UGT2B7: variants seen among roughly 807,000 people sequenced by gnomAD.
UGT2B7 encodes UDP-glucuronosyltransferase 2B7.
In UGT2B7, 51 loss-of-function variants were observed where a neutral mutation model predicts 51.9. The observed-to-expected ratio is 0.98, with a 90% CI of 0.78 to 1.24. The LOEUF (loss-of-function observed/expected upper bound fraction) is 1.24. Among genes scored for constraint, UGT2B7 ranks in the 50% most tolerant of loss-of-function variants. The pLI, the probability that UGT2B7 is intolerant of heterozygous loss-of-function variation, is 0.00. For synonymous variants in UGT2B7, 225 were observed against 211.6 expected (o/e 1.06, Z -0.55); for missense variants, 727 against 628.4 (o/e 1.16, Z -1.68).
intron 3 of UGT2B7, among the ~76,000 whole-genome samples, chr4:69,106,687 T>C (rs1210095349): frequency 6.6e-6 from 1 of 152,080 alleles, no homozygotes; most frequent in Non-Finnish European, 1.5e-5. Context: ...TCTTCCACAA[T>C]GGTTGAACAA....
chr4:69,081,372 A>T (rs1390516644), intron 1 of UGT2B7, among the ~76,000 whole-genome samples: 2 of 151,946 alleles, frequency 1.3e-5, no homozygotes, highest in African/African-American at 2.4e-5. Context: ...TTTTTCCTAC[A>T]TTTACACTCT....
chr4:69,083,260 C>G (rs1161547865), intron 1 of UGT2B7, among the ~76,000 whole-genome samples: 1 of 152,096 alleles, frequency 6.6e-6, no homozygotes, highest in Non-Finnish European at 1.5e-5. Flanking sequence ...ATCTATTCTG[C>G]AGCCCACTAA....
intron 1 of UGT2B7, among the ~76,000 whole-genome samples, chr4:69,078,097 C>CT (rs924742625): frequency 1.3e-5 from 2 of 151,496 alleles, no homozygotes; most frequent in Non-Finnish European, 2.9e-5. Context: ...TCATGGATTC[C>CT]TTTTTTTGAT....
intron 1 of UGT2B7, among the ~76,000 whole-genome samples, chr4:69,078,392 C>G (rs573720164): frequency 2.6e-5 from 4 of 152,198 alleles, no homozygotes; most frequent in African/African-American, 9.6e-5. Context: ...CTCTTTGTAC[C>G]TCTGGTAGAA....
rs1291016700 is a variant in UGT2B7, at chr4:69,102,801, T to C, written c.871-6T>C. The C allele has an allele frequency of 6.2e-7, 1 of 1,611,364 alleles. No individual in the cohort carries two copies. Among genetic ancestry groups the C allele is most frequent in the South Asian group, 1.1e-5 (1 of 90,796 alleles). ...TTTTGTGATGAAGCAAATTCTTTCT[T>C]CACAGGAAATGGAAGACTTTGTACA... On this transcript the variant is annotated splice_polypyrimidine_tract_variant and splice_region_variant and intron_variant, in intron 2 of 5. Transcript: ENST00000305231.
At chr4:69,070,347 A>G (rs1423708764) in intron 1 of UGT2B7, among the ~76,000 whole-genome samples, 2 of 148,876 alleles carry the variant, frequency 1.3e-5, no homozygotes, top group Admixed American at 6.7e-5. Flanking sequence ...TCGGAAGCAC[A>G]TGTGCAAAAT....
At chr4:69,111,201 G>A (rs1160322442) in intron 5 of UGT2B7, among the ~76,000 whole-genome samples, 6 of 152,166 alleles carry the variant, frequency 3.9e-5, no homozygotes, top group African/African-American at 1.2e-4. Flanking sequence ...GTGTGCAGGG[G>A]AAAAGTGTTA....
upstream of UGT2B7, among the ~76,000 whole-genome samples, chr4:69,092,356 C>T (rs1577918893): frequency 6.6e-6 from 1 of 152,248 alleles, no homozygotes; most frequent in Middle Eastern, 3.4e-3. Flanking sequence ...GTGTTGTCTA[C>T]AGTCAGGCAC....
intron 1 of UGT2B7, among the ~76,000 whole-genome samples, chr4:69,059,350 C>G (rs1265316555): frequency 6.6e-6 from 1 of 152,196 alleles, no homozygotes; most frequent in Non-Finnish European, 1.5e-5. Context: ...AACCTGAATT[C>G]TCATCCCAAA....
rs772308124 is a variant in UGT2B7, at chr4:69,096,506, T to C, written c.-15T>C. The C allele has an allele frequency of 3.7e-6, 6 of 1,612,742 alleles. No individual in the cohort carries two copies. Among genetic ancestry groups the C allele is most frequent in the Non-Finnish European group, 5.1e-6 (6 of 1,179,538 alleles). ...AGGAACAGCAACTGGAAAACAAGCA[T>C]TGCATTGCACCAGGATGTCTGTGAA... is the stretch of plus-strand genomic sequence containing the variant. On this transcript the variant is annotated 5_prime_UTR_variant, in exon 1 of 6. Transcript: ENST00000305231.
At chr4:69,081,144 A>G (rs1409185800) in intron 1 of UGT2B7, among the ~76,000 whole-genome samples, 1 of 152,186 alleles carries the variant, frequency 6.6e-6, no homozygotes, top group Admixed American at 6.6e-5. Context: ...TCCCAAATGT[A>G]ACATTCATTT....
chr4:69,107,840 T>C (rs1719650329), intron 4 of UGT2B7, among the ~76,000 whole-genome samples: 1 of 152,140 alleles, frequency 6.6e-6, no homozygotes, highest in South Asian at 2.1e-4. Context: ...GTCTTCTTTT[T>C]TGCACATTTT....
rs761833298 is a variant in UGT2B7, at chr4:69,074,445, T to TATATATATATATATATATATATATATAA, written c.-158-15026_-158-15025insTATATATATATATATATATATATATAAA. ...TATCTTAAATATATATATATATATA[T>TATATATATATATATATATATATATATAA]AAATTAAAAATCAAAGTCTCATTCT... On this transcript the variant is annotated intron_variant, in intron 1 of 5. Transcript: ENST00000502942. 3.4e-4 allele frequency among the ~76,000 whole-genome samples: 36 copies of TATATATATATATATATATATATATATAA among 106,524 alleles called. 1 individual carries two copies. The highest frequency in any genetic ancestry group is 1.1e-3 in the African/African-American group (33 of 29,470). The allele number at this position is 106,524 out of a possible 152,430, so 69.9% of individuals were successfully genotyped here. A position where few individuals can be genotyped will look rare whatever the true frequency, so the allele number is the denominator to read the frequency against.
chr4:69,108,205 A>C lies in UGT2B7; in HGVS notation c.1193A>C (p.Asp398Ala), dbSNP rs1289275249. 1 of 1,613,814 alleles carries C rather than the reference A, an allele frequency of 6.2e-7. No homozygotes were observed. The highest frequency in any genetic ancestry group is 8.5e-7 in the Non-Finnish European group (1 of 1,179,790). Reference protein sequence around the residue: ...IPMVGIPLFADQPDNIAHMKA... With the variant: ...IPMVGIPLFAAQPDNIAHMKA... ...ATGGTGGGGATTCCATTGTTTGCCG[A>C]TCAACCTGATAACATTGCTCACATG... is the stretch of plus-strand genomic sequence containing the variant. The change falls in exon 5 of 6, where the codon GAT becomes GCT. Residue 398 changes from aspartate (D) to alanine (A), a missense_variant. Transcript: ENST00000305231.
At chr4:69,109,891 A>G (rs1182682692) in intron 5 of UGT2B7, among the ~76,000 whole-genome samples, 1 of 152,008 alleles carries the variant, frequency 6.6e-6, no homozygotes, top group African/African-American at 2.4e-5. Context: ...ACTTTATCAC[A>G]AAAAAAGAAG....
intron 1 of UGT2B7, among the ~76,000 whole-genome samples, chr4:69,086,588 A>G (rs1577916607): frequency 6.6e-6 from 1 of 151,864 alleles, no homozygotes. Flanking sequence ...GCACTCTTCT[A>G]CTATTATCAT....
intron 5 of UGT2B7, among the ~76,000 whole-genome samples, chr4:69,110,096 G>A (rs1489871699): frequency 6.6e-6 from 1 of 151,862 alleles, no homozygotes; most frequent in East Asian, 1.9e-4. Context: ...AACATTTGAA[G>A]AACACAATTA....
chr4:69,079,031 G>A (rs1419998077), intron 1 of UGT2B7, among the ~76,000 whole-genome samples: 1 of 152,270 alleles, frequency 6.6e-6, no homozygotes, highest in Middle Eastern at 3.4e-3. Flanking sequence ...ACAGGTTCAG[G>A]TGGAGCATGC....
intron 2 of UGT2B7, 59 bp downstream of exon 2, chr4:69,098,747 C>G: frequency 6.3e-7 from 1 of 1,592,068 alleles, no homozygotes; most frequent in South Asian, 1.1e-5. Flanking sequence ...AGAAATGATT[C>G]TATAGTCTTC....
Sources: gnomAD v4.1 joint callset for allele counts (sites outside exome capture counted in the v4.1 genomes callset) on GRCh38, gnomAD v4.1.1 for gene constraint, MANE v1.5 for transcripts, NCBI Gene and HGNC (gene_info 2026-07-23, HGNC 2026-07-21) for gene names.